Variants in AFG2A observed in about 807,000 individuals in gnomAD.
The protein encoded by AFG2A is AAA ATPase AFG2A.
the AFG2A span, among the ~76,000 whole-genome samples, chr4:123,227,222 C>G: frequency 6.6e-6 from 1 of 152,090 alleles, no homozygotes; most frequent in African/African-American, 2.4e-5. Context: ...CAGTTCTGCT[C>G]TGATCTTAGT....
the AFG2A span, among the ~76,000 whole-genome samples, chr4:122,949,655 G>T: frequency 6.6e-6 from 1 of 152,186 alleles, no homozygotes; most frequent in Non-Finnish European, 1.5e-5. Context: ...GACATGGGGA[G>T]TTGTGTCATT....
chr4:123,101,590 G>A, the AFG2A span, among the ~76,000 whole-genome samples: 7 of 151,946 alleles, frequency 4.6e-5, no homozygotes, highest in East Asian at 3.9e-4. Context: ...TATAGTTGCC[G>A]TTTCATGAAT....
At chr4:122,948,810 T>C in the AFG2A span, among the ~76,000 whole-genome samples, 1 of 152,136 alleles carries the variant, frequency 6.6e-6, no homozygotes, top group Non-Finnish European at 1.5e-5. Context: ...AGTTATTGCT[T>C]TCAGGTGCAT....
chr4:123,189,072 G>A, the AFG2A span, among the ~76,000 whole-genome samples: 1 of 152,084 alleles, frequency 6.6e-6, no homozygotes, highest in South Asian at 2.1e-4. Context: ...ATCTAAAACT[G>A]GTATCCTAAA....
the AFG2A span, among the ~76,000 whole-genome samples, chr4:123,065,133 A>C: frequency 6.6e-6 from 1 of 152,176 alleles, no homozygotes; most frequent in African/African-American, 2.4e-5. Flanking sequence ...GTAGTTAACT[A>C]ACCTTTCAAG....
At chr4:123,048,167 G>C in the AFG2A span, among the ~76,000 whole-genome samples, 1 of 152,132 alleles carries the variant, frequency 6.6e-6, no homozygotes, top group African/African-American at 2.4e-5. Flanking sequence ...TGAGTTGACT[G>C]TAATGAATGT....
At chr4:122,976,348 T>C in the AFG2A span, among the ~76,000 whole-genome samples, 1 of 152,188 alleles carries the variant, frequency 6.6e-6, no homozygotes, top group African/African-American at 2.4e-5. Flanking sequence ...CATTCACTCT[T>C]GTCAATGTTT....
the AFG2A span, among the ~76,000 whole-genome samples, chr4:122,968,811 G>A: frequency 1.3e-5 from 2 of 151,200 alleles, no homozygotes; most frequent in Non-Finnish European, 1.5e-5. Flanking sequence ...GTTTCTTCTC[G>A]TGGGTGCTGA....
the AFG2A span, chr4:122,934,387 G>A: frequency 6.2e-7 from 1 of 1,614,200 alleles, no homozygotes; most frequent in Non-Finnish European, 8.5e-7. Context: ...TAAAGCCAGT[G>A]ATGTTTTGCT....
the AFG2A span, among the ~76,000 whole-genome samples, chr4:123,071,155 A>C: frequency 6.6e-6 from 1 of 152,196 alleles, no homozygotes; most frequent in Non-Finnish European, 1.5e-5. Flanking sequence ...TGCTTTTGTC[A>C]GGTGGTAAAT....
chr4:123,057,226 A>G, the AFG2A span: 1 of 1,613,958 alleles, frequency 6.2e-7, no homozygotes, highest in Non-Finnish European at 8.5e-7. Flanking sequence ...GAAAAGCAAG[A>G]GCAGTGGCGC....
At chr4:123,178,435 A>G in the AFG2A span, among the ~76,000 whole-genome samples, 1 of 152,244 alleles carries the variant, frequency 6.6e-6, no homozygotes, top group Non-Finnish European at 1.5e-5. Flanking sequence ...AAACAAATGT[A>G]TCTCCATTCA....
chr4:123,312,804 T>C, the AFG2A span, among the ~76,000 whole-genome samples: 1 of 152,228 alleles, frequency 6.6e-6, no homozygotes, highest in Non-Finnish European at 1.5e-5. Flanking sequence ...TCTAAATCTA[T>C]GCATGTTTTT....
At chr4:123,127,002 C>T in the AFG2A span, among the ~76,000 whole-genome samples, 2 of 152,130 alleles carry the variant, frequency 1.3e-5, no homozygotes, top group African/African-American at 2.4e-5. Context: ...AGGAGGATCA[C>T]TTAAGGCTAG....
chr4:123,277,258 A>G, the AFG2A span, among the ~76,000 whole-genome samples: 157 of 152,248 alleles, frequency 1.0e-3, no homozygotes, highest in African/African-American at 3.7e-3. Flanking sequence ...GTGGGATTGC[A>G]TTCCAGATTT....
At chr4:123,233,819 C>G in the AFG2A span, among the ~76,000 whole-genome samples, 1 of 151,586 alleles carries the variant, frequency 6.6e-6, no homozygotes, top group Non-Finnish European at 1.5e-5. Flanking sequence ...AAATACTTTC[C>G]AAGACTTTAA....
chr4:122,931,651 A>T, the AFG2A span, among the ~76,000 whole-genome samples: 1 of 152,148 alleles, frequency 6.6e-6, no homozygotes, highest in African/African-American at 2.4e-5. Context: ...GACTTGCCTG[A>T]GGTGCTAGTG....
chr4:122,987,436 G>C, the AFG2A span, among the ~76,000 whole-genome samples: 1 of 151,914 alleles, frequency 6.6e-6, no homozygotes, highest in African/African-American at 2.4e-5. Context: ...ATTATTGATA[G>C]GTAAGGGCTT....
chr4:122,970,992 T>G, the AFG2A span, among the ~76,000 whole-genome samples: 4 of 152,166 alleles, frequency 2.6e-5, no homozygotes, highest in African/African-American at 9.6e-5. Flanking sequence ...TTCACTATGT[T>G]GGCAAGGCTG....
Sources: gnomAD v4.1 joint callset for allele counts (sites outside exome capture counted in the v4.1 genomes callset) on GRCh38, gnomAD v4.1.1 for gene constraint, MANE v1.5 for transcripts, NCBI Gene and HGNC (gene_info 2026-07-23, HGNC 2026-07-21) for gene names.